Variants in RAPGEF4 observed in about 807,000 individuals in gnomAD.
RAPGEF4 encodes the protein Rap guanine nucleotide exchange factor 4.
Under a neutral mutation model 147.9 loss-of-function variants are expected in RAPGEF4, and 66 were observed. That is an observed-to-expected ratio of 0.45 (90% confidence interval 0.37 to 0.55). The LOEUF is 0.55. RAPGEF4 is among the 20% of genes least tolerant of loss of function. The pLI, the probability that RAPGEF4 is intolerant of heterozygous loss-of-function variation, is 0.00. For missense variants in RAPGEF4, 1,071 were observed against 1,257.3 expected (o/e 0.85, Z 2.24); for synonymous variants, 419 against 442.7 (o/e 0.95, Z 0.67).
At chr2:172,775,101 A>G (rs1011830555) in intron 1 of RAPGEF4, among the ~76,000 whole-genome samples, 1 of 152,102 alleles carries the variant, frequency 6.6e-6, no homozygotes, top group Admixed American at 6.6e-5. Context: ...GCCTGTTATA[A>G]TCTCCCAGGC....
chr2:173,045,106 T>C (rs572150409), intron 29 of RAPGEF4, among the ~76,000 whole-genome samples: 207 of 152,328 alleles, frequency 1.4e-3, no homozygotes, highest in African/African-American at 4.7e-3. Flanking sequence ...AATAAACAGC[T>C]GTCTACCGTC....
At chr2:172,971,383 T>A (rs3769246) in intron 10 of RAPGEF4, among the ~76,000 whole-genome samples, 2,210 of 152,266 alleles carry the variant, frequency 0.015, 30 homozygotes, top group Admixed American at 0.03. Context: ...AGGTCTGCAG[T>A]TCTGAAAATG....
intron 24 of RAPGEF4, 25 bp downstream of exon 24, chr2:173,026,722 A>C (rs761364867): frequency 1.2e-5 from 19 of 1,611,498 alleles, no homozygotes; most frequent in Non-Finnish European, 1.6e-5. Flanking sequence ...CAGATGTGTT[A>C]GTAGCTGAGA....
At chr2:172,904,660 T>C (rs1197873159) in intron 4 of RAPGEF4, among the ~76,000 whole-genome samples, 1 of 152,094 alleles carries the variant, frequency 6.6e-6, no homozygotes, top group Non-Finnish European at 1.5e-5. Context: ...TAGCAATAAA[T>C]AGTTGCAGAT....
Position 172,779,702 on chromosome 2 carries a change from G to T in RAPGEF4, c.66-15323G>T, listed in dbSNP as rs776004107. On this transcript the variant is annotated intron_variant, in intron 1 of 30. Coordinates refer to ENST00000397081, the MANE Select transcript of RAPGEF4 (RefSeq NM_007023.4). ...AAAGTATCACTCTGGATCCTCCAAG[G>T]ATAATAAATAGACTCCAAGAGGGCA... 1.4e-4 allele frequency among the ~76,000 whole-genome samples: 21 copies of T among 152,160 alleles called. 1 individual carries two copies. The highest frequency in any genetic ancestry group is 1.2e-3 in the South Asian group (6 of 4,822).
intron 4 of RAPGEF4, among the ~76,000 whole-genome samples, chr2:172,876,453 C>T (rs982095439): frequency 6.6e-6 from 1 of 152,226 alleles, no homozygotes. Flanking sequence ...GAGTTTTTAG[C>T]ATGAAGGGCT....
chr2:172,842,387 G>A (rs1691713093), intron 4 of RAPGEF4, among the ~76,000 whole-genome samples: 1 of 152,184 alleles, frequency 6.6e-6, no homozygotes, highest in African/African-American at 2.4e-5. Flanking sequence ...GTTATCTATT[G>A]TTATATAACA....
At chr2:172,851,256 T>A (rs1365257259) in intron 4 of RAPGEF4, among the ~76,000 whole-genome samples, 1 of 152,216 alleles carries the variant, frequency 6.6e-6, no homozygotes, top group Non-Finnish European at 1.5e-5. Context: ...TTTTGAGTGA[T>A]CTTCTTGGTA....
intron 27 of RAPGEF4, 103 bp downstream of exon 27, chr2:173,034,067 A>G (rs1683585971): frequency 1.8e-6 from 2 of 1,117,456 alleles, no homozygotes; most frequent in African/African-American, 3.2e-5. Context: ...CTGTCCTTAT[A>G]TGACTTTAAG....
intron 10 of RAPGEF4, among the ~76,000 whole-genome samples, chr2:172,976,127 G>A (rs184364724): frequency 1.3e-5 from 2 of 152,330 alleles, no homozygotes; most frequent in Non-Finnish European, 2.9e-5. Flanking sequence ...AAGCAGAAAA[G>A]GATCCCTGTG....
rs10710442 is a variant in RAPGEF4, at chr2:173,042,622, CA to C, written c.2853+5941del. Among the ~76,000 whole-genome samples the C allele has an allele frequency of 4.4e-3, 619 of 141,418 alleles. 6 individuals are homozygous for C. Among genetic ancestry groups the C allele is most frequent in the African/African-American group, 0.013 (508 of 38,790 alleles). 92.8% of individuals were successfully genotyped at this position (141,418 alleles called of 152,430 possible). On this transcript the variant is annotated intron_variant, in intron 29 of 30. Transcript: ENST00000397081. This position sits in a 1 kb window ranked among gnomAD's most constrained non-coding sequence, Gnocchi z 4.2. ...TGGGCAATAGAGTAAGACTCCAAAT[CA>C]AAAAAAAAAAGGGAAAGAAAATTGG...
At chr2:172,762,054 G>A (rs1394471355) in intron 1 of RAPGEF4, among the ~76,000 whole-genome samples, 1 of 152,122 alleles carries the variant, frequency 6.6e-6, no homozygotes, top group Non-Finnish European at 1.5e-5. Flanking sequence ...CCCAAGAGGC[G>A]GAGGTTGCAG....
chr2:172,797,570 C>T lies in RAPGEF4; in HGVS notation c.254C>T (p.Ala85Val). 1 of 1,613,808 alleles carries T rather than the reference C, an allele frequency of 6.2e-7. No homozygotes were observed. Among genetic ancestry groups the T allele is most frequent in the Non-Finnish European group, 8.5e-7 (1 of 1,179,874 alleles). The change falls in exon 3 of 31, where the codon GCA becomes GTA. Residue 85 changes from alanine to valine, a missense_variant. By Grantham distance (64) the Ala-to-Val change is moderately conservative. Transcript: ENST00000397081. Reference protein sequence around the residue: ...DIGTNWYAVLAGSLDVKVSET... With the variant: ...DIGTNWYAVLVGSLDVKVSET... ...GGAACAAACTGGTATGCTGTCCTGG[C>T]AGGGTCTTTGGATGTTAAAGTATCT...
At chr2:172,972,143 T>A (rs1690556860) in intron 10 of RAPGEF4, among the ~76,000 whole-genome samples, 1 of 152,222 alleles carries the variant, frequency 6.6e-6, no homozygotes, top group Non-Finnish European at 1.5e-5. Context: ...AATGCAAGGC[T>A]GTCCTGCAGA....
rs534183287 is a variant in RAPGEF4, at chr2:172,815,493, C to T, written c.444+1068C>T. 1.2e-4 allele frequency among the ~76,000 whole-genome samples: 19 copies of T among 152,254 alleles called. No individual in the cohort carries two copies. The South Asian group carries it at 3.7e-3, about 30-fold the overall frequency. On this transcript the variant is annotated intron_variant, in intron 4 of 30. Coordinates refer to ENST00000397081, the MANE Select transcript of RAPGEF4 (RefSeq NM_007023.4). ...AGAGCTCCAACCGTTCTGTAAAGTT[C>T]AGAGACAAAAGCTAGTTTTAGGAAG...
chr2:172,877,785 C>T lies in RAPGEF4; in HGVS notation c.445-40017C>T, dbSNP rs542777314. ...CTTTCTTCATTGCTACCCTGATGCC[C>T]CTGGAGTGTGTTATGGGTGAGGGAC... On this transcript the variant is annotated intron_variant, in intron 4 of 30. Transcript: ENST00000397081. Among the ~76,000 whole-genome samples the T allele has an allele frequency of 8.5e-5, 13 of 152,226 alleles. No homozygotes were observed. The South Asian group carries it at 2.5e-3, about 29-fold the overall frequency.
At chr2:172,826,149 C>A (rs1689644863) in intron 4 of RAPGEF4, among the ~76,000 whole-genome samples, 1 of 152,322 alleles carries the variant, frequency 6.6e-6, no homozygotes, top group Admixed American at 6.5e-5. Flanking sequence ...CCCTTGCTTT[C>A]TTTTGCCTCC....
intron 6 of RAPGEF4, among the ~76,000 whole-genome samples, chr2:172,948,094 A>G (rs186889458): frequency 2.6e-5 from 4 of 152,284 alleles, no homozygotes; most frequent in African/African-American, 9.6e-5. Flanking sequence ...ATTTATCCAC[A>G]TTGTTGCATG....
At chr2:172,906,875 G>A (rs969220565) in intron 4 of RAPGEF4, among the ~76,000 whole-genome samples, 1 of 152,274 alleles carries the variant, frequency 6.6e-6, no homozygotes, top group Admixed American at 6.5e-5. Flanking sequence ...GTCTCAGAAA[G>A]TGACATGCCT....
Sources: allele counts gnomAD v4.1 joint callset (sites outside exome capture counted in the v4.1 genomes callset), GRCh38; gene constraint gnomAD v4.1.1; non-coding constraint Gnocchi (gnomAD v3.1); transcripts MANE v1.5; gene names NCBI Gene and HGNC (gene_info 2026-07-23, HGNC 2026-07-21).